Variants in PAK1 observed in about 807,000 individuals in gnomAD.
PAK1 encodes serine/threonine-protein kinase PAK 1.
Under a neutral mutation model 67.4 loss-of-function variants are expected in PAK1, and 29 were observed. The observed-to-expected ratio is 0.43, with a 90% CI of 0.32 to 0.59. The LOEUF (loss-of-function observed/expected upper bound fraction) is 0.59, where lower values mean the gene tolerates loss of function less well. Among genes scored for constraint, PAK1 ranks in the 20% least tolerant of loss-of-function variants. The probability of loss-of-function intolerance (pLI) is 0.07; values close to 1 mark genes in which losing one functional copy is unlikely to be tolerated. For synonymous variants in PAK1, 223 were observed against 237.4 expected (o/e 0.94, Z 0.56); for missense variants, 337 against 670.7 (o/e 0.50, Z 5.50).
intron 1 of PAK1, among the ~76,000 whole-genome samples, chr11:77,398,360 G>A (rs748983789): frequency 1.4e-4 from 21 of 152,196 alleles, no homozygotes; most frequent in African/African-American, 4.1e-4. Flanking sequence ...GAGAACATGC[G>A]ATGTTTATCT....
chr11:77,489,151 T>G, the PAK1 span, among the ~76,000 whole-genome samples: 3 of 152,088 alleles, frequency 2.0e-5, no homozygotes, highest in Admixed American at 6.5e-5. Flanking sequence ...CATGACAAAT[T>G]TATAGTGCTG....
chr11:77,517,603 T>G, the PAK1 span, among the ~76,000 whole-genome samples: 3 of 152,278 alleles, frequency 2.0e-5, no homozygotes, highest in Admixed American at 2.0e-4. Context: ...GACCAGTGTG[T>G]GTATGTGGGG....
intron 1 of PAK1, among the ~76,000 whole-genome samples, chr11:77,466,602 C>CAAA (rs35876101): frequency 7.6e-6 from 1 of 131,400 alleles, no homozygotes; most frequent in Non-Finnish European, 1.7e-5. Context: ...GACTCCATCT[C>CAAA]AAAAAAAAAA....
rs1443436600 is a variant in PAK1 at position 77,328,226 on chromosome 11, C to T, written c.1551+4504G>A. ...CCACTGTCAACATTAGACAGATCAA[C>T]GAGACAGAAAGTTAACAAGGATACC... On this transcript the variant is annotated intron_variant, in intron 14 of 14. Transcript: ENST00000356341. 4.6e-5 allele frequency among the ~76,000 whole-genome samples: 7 copies of T among 152,164 alleles called. No homozygotes were observed. The East Asian group carries it at 7.7e-4, about 17-fold the overall frequency.
intron 2 of PAK1, among the ~76,000 whole-genome samples, chr11:77,387,388 A>G (rs942758056): frequency 6.6e-6 from 1 of 152,188 alleles, no homozygotes; most frequent in African/African-American, 2.4e-5. Flanking sequence ...ATTTTTTAAA[A>G]GCACCATAAG....
chr11:77,370,927 T>A (rs1472021992), intron 5 of PAK1, among the ~76,000 whole-genome samples: 1 of 152,192 alleles, frequency 6.6e-6, no homozygotes, highest in Admixed American at 6.5e-5. Flanking sequence ...ACTGGATCCT[T>A]AACCCAACTT....
chr11:77,491,633 A>G, the PAK1 span, among the ~76,000 whole-genome samples: 1 of 152,376 alleles, frequency 6.6e-6, no homozygotes. Context: ...AGTTTAAAAA[A>G]TGGGTTATAA....
At chr11:77,526,155 G>A in the PAK1 span, among the ~76,000 whole-genome samples, 1 of 152,214 alleles carries the variant, frequency 6.6e-6, no homozygotes, top group Non-Finnish European at 1.5e-5. Flanking sequence ...GCAGGATGGA[G>A]CTTGACTATT....
intron 1 of PAK1, among the ~76,000 whole-genome samples, chr11:77,425,257 G>C (rs1010497452): frequency 1.3e-5 from 2 of 150,004 alleles, no homozygotes; most frequent in Non-Finnish European, 1.5e-5. Flanking sequence ...AAAAACTTCA[G>C]ACACAGGCTT....
At chr11:77,459,691 T>TTCTTCTTC (rs1491148517) in intron 1 of PAK1, among the ~76,000 whole-genome samples, 2 of 114,078 alleles carry the variant, frequency 1.8e-5, no homozygotes, top group Non-Finnish European at 3.5e-5. Context: ...CTTCTTCTTC[T>TTCTTCTTC]TTTTTTTTTT....
chr11:77,508,847 AGATGGG>A, the PAK1 span, among the ~76,000 whole-genome samples: 1 of 149,964 alleles, frequency 6.7e-6, no homozygotes, highest in Non-Finnish European at 1.5e-5. Context: ...TTTTTAGTAG[AGATGGG>A]GTTTCACCGT....
At chr11:77,523,089 G>A in the PAK1 span, among the ~76,000 whole-genome samples, 38 of 152,292 alleles carry the variant, frequency 2.5e-4, no homozygotes, top group Non-Finnish European at 5.0e-4. Flanking sequence ...AGAGGGAAAG[G>A]GGCAAGGGTG....
Position 77,323,281 on chromosome 11 carries a change from T to C in PAK1, c.1631A>G (p.Asn544Ser), listed in dbSNP as rs1321832144. Residue 544 changes from asparagine (N) to serine (S), a missense_variant, in exon 15 of 15, where the codon AAT (asparagine) becomes AGT (serine). Coordinates refer to ENST00000356341, the MANE Select transcript of PAK1 (RefSeq NM_002576.5). The stretch of plus-strand genomic sequence containing the variant: ...GCTGGGGTGAGTGTGGTTTTAGTGA[T>C]TGTTCTTTGTTGCCTCCTTAGCTGC... The part of the protein sequence containing the change: ...IAAAKEATKN[N>S]H 2 of 1,613,936 alleles carry C rather than the reference T, an allele frequency of 1.2e-6. No individual in the cohort carries two copies. Among genetic ancestry groups the C allele is most frequent in the Non-Finnish European group, 1.7e-6 (2 of 1,179,876 alleles).
At chr11:77,386,715 A>G (rs1950491421) in intron 2 of PAK1, among the ~76,000 whole-genome samples, 2 of 151,554 alleles carry the variant, frequency 1.3e-5, no homozygotes, top group South Asian at 2.1e-4. Context: ...ACCCAAGACA[A>G]CTCCTCTAGA....
chr11:77,491,705 G>A, the PAK1 span, among the ~76,000 whole-genome samples: 90 of 151,810 alleles, frequency 5.9e-4, no homozygotes, highest in African/African-American at 2.1e-3. Flanking sequence ...AAAATAAAAA[G>A]CAAGATATTA....
rs559981674 is a variant in PAK1, at chr11:77,428,675, T to C, written c.-21-36134A>G. Among the ~76,000 whole-genome samples, 19 of 150,874 alleles carry C rather than the reference T, an allele frequency of 1.3e-4. No homozygotes were observed. In the East Asian group the frequency reaches 3.5e-3, roughly 28 times the overall value. On this transcript the variant is annotated intron_variant, in intron 1 of 14. Coordinates refer to ENST00000356341, the MANE Select transcript of PAK1 (RefSeq NM_002576.5). ...ATCAGGAGGGGGAGGAAGAGACAAG[T>C]AGTCTAGTGAGGAGAATCAGAGCCC...
chr11:77,449,691 T>TA (rs35907304), intron 1 of PAK1, among the ~76,000 whole-genome samples: 35,205 of 113,726 alleles, frequency 0.31, 5,467 homozygotes, highest in South Asian at 0.43. Flanking sequence ...ATCCTATAGG[T>TA]AAAAAAAAAA....
rs543204155 is a variant in PAK1 at position 77,426,628 on chromosome 11, C to G, written c.-21-34087G>C. On this transcript the variant is annotated intron_variant, in intron 1 of 14. Transcript: ENST00000356341. ...CTCTTCAGTTTCAATTAGCACCAGG[C>G]AGATGGAATAGTGCTAATCTTAAAT... is the stretch of plus-strand genomic sequence containing the variant. Among the ~76,000 whole-genome samples, 6 of 152,148 alleles carry G rather than the reference C, an allele frequency of 3.9e-5. No homozygotes were observed. In the South Asian group the frequency reaches 1.2e-3, roughly 32 times the overall value.
the PAK1 span, among the ~76,000 whole-genome samples, chr11:77,498,678 A>G: frequency 1.0e-4 from 12 of 118,024 alleles, no homozygotes; most frequent in African/African-American, 3.4e-4. Context: ...TATTTTTAAC[A>G]CCCTTGCTTG....
Sources: allele counts gnomAD v4.1 joint callset (sites outside exome capture counted in the v4.1 genomes callset), GRCh38; gene constraint gnomAD v4.1.1; transcripts MANE v1.5; gene names NCBI Gene and HGNC (gene_info 2026-07-23, HGNC 2026-07-21).